CEP192: variants seen among roughly 807,000 people sequenced by gnomAD.
CEP192 encodes the protein centrosomal protein 192.
In CEP192, 151 loss-of-function variants were observed where a neutral mutation model predicts 271.8. The observed-to-expected ratio is 0.56, with a 90% CI of 0.49 to 0.64. The LOEUF (loss-of-function observed/expected upper bound fraction) is 0.64, where lower values mean the gene tolerates loss of function less well. CEP192 is among the 30% of genes least tolerant of loss of function. The pLI is 0.00. For synonymous variants in CEP192, 995 were observed against 1,076.5 expected (o/e 0.92, Z 1.48); for missense variants, 2,910 against 3,020.5 (o/e 0.96, Z 0.86).
At chr18:13,056,857 C>T (rs2037133834) in intron 19 of CEP192, among the ~76,000 whole-genome samples, 159 bp downstream of exon 19, 1 of 152,104 alleles carries the variant, frequency 6.6e-6, no homozygotes, top group South Asian at 2.1e-4. Flanking sequence ...TGCAAGCGTC[C>T]CTAAAGTTGG....
At position 13,076,781 on chromosome 18, in the gene CEP192, G is replaced by GTTTA. The variant is rs372761316; in HGVS notation, c.5616+3612_5616+3615dup. On this transcript the variant is annotated intron_variant, in intron 30 of 44. Coordinates refer to ENST00000506447, the MANE Select transcript of CEP192 (RefSeq NM_032142.4). Reference sequence around the variant, plus strand: ...CCAATCTGAAACCCTTTTAAATGCTGTTTATTTATTTATTTATTTTGAGAC... The same window carrying GTTTA: ...CCAATCTGAAACCCTTTTAAATGCTGTTTATTTATTTATTTATTTATTTTGAGAC... Among the ~76,000 whole-genome samples, 1,499 of 152,052 alleles carry GTTTA rather than the reference G, an allele frequency of 9.9e-3. 24 individuals carry two copies. Among genetic ancestry groups the GTTTA allele is most frequent in the African/African-American group, 0.033 (1,361 of 41,478 alleles).
intron 34 of CEP192, among the ~76,000 whole-genome samples, chr18:13,094,690 G>A (rs1183350139): frequency 6.6e-6 from 1 of 152,172 alleles, no homozygotes; most frequent in Non-Finnish European, 1.5e-5. Flanking sequence ...AGGTATCCTT[G>A]CTTCTAGGCC....
At chr18:12,994,686 GTT>G (rs2033103474) in intron 1 of CEP192, among the ~76,000 whole-genome samples, 4 of 152,136 alleles carry the variant, frequency 2.6e-5, no homozygotes, top group Admixed American at 2.6e-4. Context: ...CAGTAGATGT[GTT>G]TTGTTTGACA....
chr18:13,018,536 G>C lies in CEP192; in HGVS notation c.846G>C (p.Leu282=). 1 of 1,541,428 alleles carries C rather than the reference G, an allele frequency of 6.5e-7. No individual in the cohort carries two copies. ...CKFQSENNSS[L]ISLDSHSSET... The stretch of plus-strand genomic sequence containing the variant: ...TTCAATCAGAAAATAACAGCTCTCT[G>C]ATTTCCCTCGACTCACACTCTTCTG... Residue 282 remains leucine (L), a synonymous_variant, in exon 8 of 45, where the codon CTG becomes CTC. Transcript: ENST00000506447.
chr18:13,030,539 T>G lies in CEP192; in HGVS notation c.1465T>G (p.Ser489Ala). 6.2e-7 allele frequency: 1 copy of G among 1,611,784 alleles called. No individual in the cohort carries two copies. The highest frequency in any genetic ancestry group is 1.7e-4 in the Middle Eastern group (1 of 5,770). ...GGTCACAGACCTTGCCTATTACACATCTTTTAATAGCAAACAAAATTTAAA... is the reference window on the plus strand; with the variant it reads ...GGTCACAGACCTTGCCTATTACACAGCTTTTAATAGCAAACAAAATTTAAA... ...RWVTDLAYYT[S>A]FNSKQNLNVS... Residue 489 changes from serine to alanine, a missense_variant, in exon 11 of 45, where the codon TCT becomes GCT. Coordinates refer to ENST00000506447, the MANE Select transcript of CEP192 (RefSeq NM_032142.4).
chr18:13,028,462 A>T (rs549885060), intron 9 of CEP192, among the ~76,000 whole-genome samples: 3 of 151,982 alleles, frequency 2.0e-5, no homozygotes, highest in Non-Finnish European at 2.9e-5. Flanking sequence ...TTTTCCTAGT[A>T]CTCTTATATC....
chr18:13,103,641 G>A, intron 39 of CEP192, 53 bp downstream of exon 39: 1 of 1,361,102 alleles, frequency 7.3e-7, no homozygotes, highest in Admixed American at 1.7e-5. Flanking sequence ...ACTTTATCCA[G>A]GATGTTCTAA....
In CEP192 at chr18:13,053,347, G is replaced by A. The variant is rs937209061; in HGVS notation, c.3189+257G>A. ...TGTGTAATGAAGTGCATCATGCTGC[G>A]CGCATACTATGGGGACTCAGAAGGT... is the stretch of plus-strand genomic sequence containing the variant. On this transcript the variant is annotated intron_variant, in intron 18 of 44. Coordinates refer to ENST00000506447, the MANE Select transcript of CEP192 (RefSeq NM_032142.4). Among the ~76,000 whole-genome samples, 9 of 152,296 alleles carry A rather than the reference G, an allele frequency of 5.9e-5. No homozygotes were observed. In the Middle Eastern group the frequency reaches 0.01, roughly 173 times the overall value.
chr18:13,054,580 C>T (rs1460083839), intron 18 of CEP192, among the ~76,000 whole-genome samples: 1 of 152,192 alleles, frequency 6.6e-6, no homozygotes, highest in Non-Finnish European at 1.5e-5. Flanking sequence ...TTATCTTCTG[C>T]TGCCTCCTCA....
chr18:13,024,040 T>G (rs1165790789), intron 9 of CEP192, among the ~76,000 whole-genome samples: 1 of 152,202 alleles, frequency 6.6e-6, no homozygotes, highest in Non-Finnish European at 1.5e-5. Flanking sequence ...TCAACTGTGT[T>G]GTTATTGAAT....
intron 44 of CEP192, among the ~76,000 whole-genome samples, chr18:13,123,467 T>C (rs1016144725): frequency 7.2e-5 from 11 of 152,184 alleles, no homozygotes; most frequent in African/African-American, 2.7e-4. Context: ...TCATGCCCGG[T>C]GTACTCTTGT....
intron 19 of CEP192, among the ~76,000 whole-genome samples, chr18:13,057,252 T>G (rs1483235650): frequency 1.3e-4 from 1 of 7,762 alleles, no homozygotes; most frequent in East Asian, 3.3e-3. Context: ...AGGTTTTTTT[T>G]GTTTGTTTTT....
At position 12,999,561 on chromosome 18, in the gene CEP192, C is replaced by A; in HGVS notation, c.137C>A (p.Ala46Asp). The change falls in exon 2 of 45, where the codon GCT becomes GAT. Residue 46 changes from alanine (A) to aspartate (D), a missense_variant. Transcript: ENST00000506447. ...TTGCCTGTTGCTGTTTCTACACTTGCTAGGGATAGATCCAGCACTGATAAC... is the reference window on the plus strand; with the variant it reads ...TTGCCTGTTGCTGTTTCTACACTTGATAGGGATAGATCCAGCACTGATAAC... The part of the protein sequence containing the change: ...LGLPVAVSTL[A>D]RDRSSTDNRY... 2 of 1,549,784 alleles carry A rather than the reference C, an allele frequency of 1.3e-6. No individual in the cohort carries two copies. Among genetic ancestry groups the A allele is most frequent in the Non-Finnish European group, 1.7e-6 (2 of 1,146,470 alleles).
intron 36 of CEP192, 49 bp from the exon 37 acceptor site, chr18:13,099,427 C>A: frequency 1.1e-6 from 1 of 888,700 alleles, no homozygotes; most frequent in Non-Finnish European, 1.8e-6. Flanking sequence ...GTGATTACTG[C>A]TGTTAAAATG....
chr18:13,059,304 G>T lies in CEP192; in HGVS notation c.4480G>T (p.Val1494Phe). Reference sequence around the variant, plus strand: ...TCTCACTGCCATTGCCGAGAGTCCTGTTATTGAGGTACCTGTTTGAAAATG... The same window carrying T: ...TCTCACTGCCATTGCCGAGAGTCCTTTTATTGAGGTACCTGTTTGAAAATG... ...VTLTAIAESP[V>F]IEVETEKKDV... is the part of the protein sequence containing the mutation. The change falls in exon 21 of 45, where the codon GTT (valine) becomes TTT (phenylalanine). Residue 1494 changes from valine to phenylalanine, a missense_variant. Transcript: ENST00000506447. 6.2e-7 allele frequency: 1 copy of T among 1,612,220 alleles called. No homozygotes were observed. The highest frequency in any genetic ancestry group is 8.5e-7 in the Non-Finnish European group (1 of 1,178,228).
At chr18:13,111,495 AT>A (rs1374737356) in intron 40 of CEP192, among the ~76,000 whole-genome samples, 1 of 152,246 alleles carries the variant, frequency 6.6e-6, no homozygotes, top group Non-Finnish European at 1.5e-5. Flanking sequence ...AAAATCAACC[AT>A]AGACCATAAA....
intron 5 of CEP192, among the ~76,000 whole-genome samples, 164 bp downstream of exon 5, chr18:13,013,189 A>G (rs766758510): frequency 2.0e-5 from 3 of 152,220 alleles, no homozygotes; most frequent in Non-Finnish European, 4.4e-5. Context: ...CTCTCAAGTA[A>G]TGAGAAGGTT....
At chr18:13,079,651 T>C (rs948190769) in intron 30 of CEP192, among the ~76,000 whole-genome samples, 3 of 152,204 alleles carry the variant, frequency 2.0e-5, no homozygotes, top group Admixed American at 6.5e-5. Context: ...TTAGATCCCA[T>C]TTGTCTATTT....
chr18:13,073,268 T>C, intron 30 of CEP192, 83 bp downstream of exon 30: 1 of 1,192,590 alleles, frequency 8.4e-7, no homozygotes, highest in Middle Eastern at 2.0e-4. Flanking sequence ...AATTATACAG[T>C]CTGCCTTTTA....
Sources: allele counts gnomAD v4.1 joint callset (sites outside exome capture counted in the v4.1 genomes callset), GRCh38; gene constraint gnomAD v4.1.1; transcripts MANE v1.5; gene names NCBI Gene and HGNC (gene_info 2026-07-23, HGNC 2026-07-21).